Variants in GALNTL6 observed in about 807,000 individuals in gnomAD.
The protein encoded by GALNTL6 is polypeptide N-acetylgalactosaminyltransferase like 6.
A neutral mutation model predicts 73.7 loss-of-function variants in GALNTL6; 46 were observed. The observed-to-expected ratio is 0.62, with a 90% CI of 0.49 to 0.80. The LOEUF (loss-of-function observed/expected upper bound fraction) is 0.80, where lower values mean the gene tolerates loss of function less well. GALNTL6 is among the 30% of genes least tolerant of loss of function. The probability of loss-of-function intolerance (pLI) is 0.00; values close to 1 mark genes in which losing one functional copy is unlikely to be tolerated. For synonymous variants in GALNTL6, 259 were observed against 263.7 expected (o/e 0.98, Z 0.17); for missense variants, 604 against 755.0 (o/e 0.80, Z 2.34).
intron 8 of GALNTL6, among the ~76,000 whole-genome samples, chr4:172,923,713 G>T (rs1747906355): frequency 6.6e-6 from 1 of 151,912 alleles, no homozygotes; most frequent in Admixed American, 6.6e-5. Context: ...AAAAGAAAGA[G>T]GTTTAAATGG....
intron 3 of GALNTL6, among the ~76,000 whole-genome samples, chr4:172,245,334 C>T (rs1737621705): frequency 6.6e-6 from 1 of 152,162 alleles, no homozygotes; most frequent in Non-Finnish European, 1.5e-5. Flanking sequence ...TAGCTCTGCT[C>T]TTGAAATTCC....
intron 2 of GALNTL6, among the ~76,000 whole-genome samples, chr4:171,945,841 T>G (rs1307129835): frequency 8.5e-5 from 13 of 152,146 alleles, no homozygotes; most frequent in Admixed American, 8.5e-4. Flanking sequence ...TATTCTGTTT[T>G]GGGAGGTATA....
chr4:171,845,503 G>T (rs749969835), intron 2 of GALNTL6, among the ~76,000 whole-genome samples: 2 of 152,136 alleles, frequency 1.3e-5, no homozygotes, highest in Admixed American at 6.6e-5. Flanking sequence ...GGATTTCATA[G>T]TCTAACTCCC....
At chr4:172,757,493 G>T (rs758411730) in intron 5 of GALNTL6, among the ~76,000 whole-genome samples, 18 of 152,132 alleles carry the variant, frequency 1.2e-4, no homozygotes, top group Non-Finnish European at 2.6e-4. Flanking sequence ...GAGGCTTAGA[G>T]GGATTATAAT....
At chr4:171,826,894 C>A (rs1387140531) in intron 2 of GALNTL6, among the ~76,000 whole-genome samples, 3 of 152,028 alleles carry the variant, frequency 2.0e-5, no homozygotes, top group Non-Finnish European at 1.5e-5. Context: ...CCATTCCCAA[C>A]CAACACCCAT....
At chr4:172,641,880 G>T (rs1055020013) in intron 5 of GALNTL6, among the ~76,000 whole-genome samples, 1 of 151,756 alleles carries the variant, frequency 6.6e-6, no homozygotes, top group African/African-American at 2.4e-5. Flanking sequence ...TCTTTAAATA[G>T]CAAGAAAACA....
At chr4:172,336,998 A>G (rs954605474) in intron 4 of GALNTL6, among the ~76,000 whole-genome samples, 3 of 152,154 alleles carry the variant, frequency 2.0e-5, no homozygotes, top group African/African-American at 4.8e-5. Flanking sequence ...TCATTATGCA[A>G]TGCCCTATCA....
At chr4:172,331,102 T>C (rs1741108704) in intron 4 of GALNTL6, among the ~76,000 whole-genome samples, 1 of 152,092 alleles carries the variant, frequency 6.6e-6, no homozygotes, top group South Asian at 2.1e-4. Flanking sequence ...CTATTAATTA[T>C]ATTATCTATC....
chr4:171,874,620 G>T (rs991108269), intron 2 of GALNTL6, among the ~76,000 whole-genome samples: 3 of 152,158 alleles, frequency 2.0e-5, no homozygotes, highest in African/African-American at 7.2e-5. Context: ...TAAAATCATG[G>T]AGACACCTGG....
At chr4:172,814,471 C>G (rs528636737) in intron 7 of GALNTL6, among the ~76,000 whole-genome samples, 1 of 152,186 alleles carries the variant, frequency 6.6e-6, no homozygotes, top group African/African-American at 2.4e-5. Context: ...AACAGTTAGC[C>G]CAGAGATTAT....
intron 2 of GALNTL6, among the ~76,000 whole-genome samples, chr4:172,035,868 A>C (rs1741916329): frequency 6.6e-6 from 1 of 152,134 alleles, no homozygotes; most frequent in Non-Finnish European, 1.5e-5. Flanking sequence ...GATTTCTGGC[A>C]CACATATAAA....
chr4:171,889,192 A>AT (rs927478241), intron 2 of GALNTL6, among the ~76,000 whole-genome samples: 13 of 152,148 alleles, frequency 8.5e-5, no homozygotes, highest in South Asian at 4.2e-4. Flanking sequence ...AGGAGGCATG[A>AT]TTTTTTTATA....
chr4:172,418,793 A>T (rs1730941452), intron 5 of GALNTL6, among the ~76,000 whole-genome samples: 1 of 152,186 alleles, frequency 6.6e-6, no homozygotes, highest in African/African-American at 2.4e-5. Flanking sequence ...TTATATCCAC[A>T]TTAAGATGTA....
intron 5 of GALNTL6, among the ~76,000 whole-genome samples, chr4:172,762,819 C>T (rs930181995): frequency 1.3e-5 from 2 of 148,170 alleles, no homozygotes; most frequent in African/African-American, 4.9e-5. Context: ...AAAGTAACAT[C>T]GATTTATGCA....
chr4:172,757,288 G>A (rs759747441), intron 5 of GALNTL6, among the ~76,000 whole-genome samples: 2 of 152,224 alleles, frequency 1.3e-5, no homozygotes, highest in Non-Finnish European at 2.9e-5. Context: ...TAGAAAATTC[G>A]TGTTCCTGTT....
At chr4:172,230,348 G>T (rs908581689) in intron 3 of GALNTL6, among the ~76,000 whole-genome samples, 6 of 152,076 alleles carry the variant, frequency 3.9e-5, no homozygotes, top group Non-Finnish European at 8.8e-5. Context: ...TCCACTTTGG[G>T]AGACCGAGGC....
At chr4:172,214,715 A>G (rs367891590) in intron 2 of GALNTL6, among the ~76,000 whole-genome samples, 1 of 152,096 alleles carries the variant, frequency 6.6e-6, no homozygotes, top group East Asian at 1.9e-4. Flanking sequence ...GGGTTTCACC[A>G]TGTTGGTCAG....
chr4:172,358,556 T>C (rs1227605377), intron 5 of GALNTL6, among the ~76,000 whole-genome samples: 1 of 152,124 alleles, frequency 6.6e-6, no homozygotes. Context: ...CTATTATTAG[T>C]GTTAGTGTAT....
chr4:172,609,209 C>T lies in GALNTL6; in HGVS notation c.554-200152C>T, dbSNP rs187912750. Among the ~76,000 whole-genome samples the T allele has an allele frequency of 1.4e-4, 21 of 152,190 alleles. No homozygotes were observed. The East Asian group carries it at 3.5e-3, about 25-fold the overall frequency. Reference sequence around the variant, plus strand: ...AATAGGAGTAGTGAGAGTGGGCATCCTTGTCTTGTTCCAGTTCTCATAGGG... The same window carrying T: ...AATAGGAGTAGTGAGAGTGGGCATCTTTGTCTTGTTCCAGTTCTCATAGGG... On this transcript the variant is annotated intron_variant, in intron 5 of 12. Coordinates refer to ENST00000506823, the MANE Select transcript of GALNTL6 (RefSeq NM_001034845.3).
Sources: allele counts gnomAD v4.1 joint callset (sites outside exome capture counted in the v4.1 genomes callset), GRCh38; gene constraint gnomAD v4.1.1; transcripts MANE v1.5; gene names NCBI Gene and HGNC (gene_info 2026-07-23, HGNC 2026-07-21).